Variants in RIC3 observed in about 807,000 individuals in gnomAD.
RIC3 encodes the protein protein RIC-3.
RIC3 carries 28 observed loss-of-function variants against 27.3 expected under a neutral mutation model. The observed-to-expected ratio is 1.02, with a 90% CI of 0.76 to 1.41. The LOEUF (loss-of-function observed/expected upper bound fraction) is 1.41. RIC3 is among the 40% of genes most tolerant of loss of function. The pLI is 0.00. For synonymous variants in RIC3, 184 were observed against 160.4 expected (o/e 1.15, Z -1.11); for missense variants, 501 against 444.7 (o/e 1.13, Z -1.14).
chr11:8,096,109 G>A, the RIC3 span, among the ~76,000 whole-genome samples: 1 of 152,222 alleles, frequency 6.6e-6, no homozygotes. Context: ...ATGGCTTCCT[G>A]TACAAAGGAC....
At chr11:8,126,306 C>T (rs1435298109) in intron 5 of RIC3, among the ~76,000 whole-genome samples, 1 of 152,006 alleles carries the variant, frequency 6.6e-6, no homozygotes, top group Non-Finnish European at 1.5e-5. Flanking sequence ...ACATGAATGT[C>T]AAAAGTATTA....
intron 1 of RIC3, among the ~76,000 whole-genome samples, chr11:8,146,735 TG>T (rs535828175): frequency 7.0e-6 from 1 of 141,908 alleles, no homozygotes; most frequent in East Asian, 2.5e-4. Context: ...CGGGGCGGGG[TG>T]GCAGGGGGCG....
intron 5 of RIC3, among the ~76,000 whole-genome samples, chr11:8,120,809 G>A (rs1315020872): frequency 6.6e-6 from 1 of 151,954 alleles, no homozygotes; most frequent in Non-Finnish European, 1.5e-5. Flanking sequence ...AAGCAGACCA[G>A]GATAAGATTT....
Position 8,106,214 on chromosome 11 carries a change from T to G in RIC3, c.*4484A>C, listed in dbSNP as rs1341702346. On this transcript the variant is annotated 3_prime_UTR_variant, in exon 6 of 6. Coordinates refer to ENST00000309737, the MANE Select transcript of RIC3 (RefSeq NM_001206671.4). ...GTGTTTGTCTAAGTACACACATATA[T>G]CAACAAATTAAACTTGAATCGTTTC... is the stretch of plus-strand genomic sequence containing the variant. 6.6e-6 allele frequency: 1 copy of G among 152,212 alleles called. No individual in the cohort carries two copies. Among genetic ancestry groups the G allele is most frequent in the Non-Finnish European group, 1.5e-5 (1 of 68,042 alleles). The allele number at this position is 152,212 out of a possible 1,614,324, so 9.4% of individuals were successfully genotyped here. A position where few individuals can be genotyped will look rare whatever the true frequency, so the allele number is the denominator to read the frequency against.
At chr11:8,131,111 C>T (rs201334058) in intron 4 of RIC3, among the ~76,000 whole-genome samples, 3 of 53,030 alleles carry the variant, frequency 5.7e-5, no homozygotes, top group African/African-American at 2.2e-4. Flanking sequence ...CATTCATTCA[C>T]TCACTCACTC....
chr11:8,148,373 T>G lies in RIC3; in HGVS notation c.125-8180A>C, dbSNP rs953392874. Reference sequence around the variant, plus strand: ...TGATGAGTACTGGCTTTGGCTATTATGCACCTTCAAAAGCATGCCTAGCCA... The same window carrying G: ...TGATGAGTACTGGCTTTGGCTATTAGGCACCTTCAAAAGCATGCCTAGCCA... On this transcript the variant is annotated intron_variant, in intron 1 of 5. Transcript: ENST00000309737. Among the ~76,000 whole-genome samples, 3 of 152,198 alleles carry G rather than the reference T, an allele frequency of 2.0e-5. No homozygotes were observed. In the South Asian group the frequency reaches 6.2e-4, roughly 31 times the overall value.
At chr11:8,097,299 G>C in the RIC3 span, 1 of 1,614,188 alleles carries the variant, frequency 6.2e-7, no homozygotes, top group South Asian at 1.1e-5. Flanking sequence ...ATCTTGAGGA[G>C]TTTGCACTGA....
intron 1 of RIC3, among the ~76,000 whole-genome samples, chr11:8,163,584 A>C (rs1305622989): frequency 6.6e-6 from 1 of 152,220 alleles, no homozygotes; most frequent in Admixed American, 6.5e-5. Flanking sequence ...ACTAAGGAAC[A>C]ATCTGAAAAC....
At position 8,118,140 on chromosome 11, in the gene RIC3, G is replaced by A. The variant is rs1200778013; in HGVS notation, c.671-7003C>T. Reference sequence around the variant, plus strand: ...TGGGAGGCTGAGGCAGGAGAATGACGTGAACCTGGGAAGTGGAGCTTGTAG... The same window carrying A: ...TGGGAGGCTGAGGCAGGAGAATGACATGAACCTGGGAAGTGGAGCTTGTAG... On this transcript the variant is annotated intron_variant, in intron 5 of 5. Transcript: ENST00000309737. 4.7e-5 allele frequency among the ~76,000 whole-genome samples: 7 copies of A among 149,980 alleles called. No homozygotes were observed. The East Asian group carries it at 1.4e-3, about 30-fold the overall frequency.
At chr11:8,119,676 A>G (rs1159513927) in intron 5 of RIC3, among the ~76,000 whole-genome samples, 2 of 152,204 alleles carry the variant, frequency 1.3e-5, no homozygotes, top group Non-Finnish European at 2.9e-5. Flanking sequence ...AATGACAACA[A>G]AAGCCAAAAC....
At chr11:8,114,365 G>A (rs73409668) in intron 5 of RIC3, among the ~76,000 whole-genome samples, 1 of 152,096 alleles carries the variant, frequency 6.6e-6, no homozygotes, top group African/African-American at 2.4e-5. Context: ...CACACTTTAG[G>A]AGGCCAAGAC....
chr11:8,150,261 G>A (rs1950097180), intron 1 of RIC3, among the ~76,000 whole-genome samples: 1 of 152,108 alleles, frequency 6.6e-6, no homozygotes. Flanking sequence ...AAGAAATAAA[G>A]TCTCCTCTTC....
chr11:8,093,634 T>C, the RIC3 span, among the ~76,000 whole-genome samples: 1 of 152,218 alleles, frequency 6.6e-6, no homozygotes, highest in Non-Finnish European at 1.5e-5. Context: ...CCTGGAGTGC[T>C]TGCCCTGGTT....
intron 4 of RIC3, chr11:8,135,453 C>T (rs1948278047): frequency 6.6e-6 from 1 of 152,174 alleles, no homozygotes; most frequent in Non-Finnish European, 1.5e-5. Context: ...TTAGGACTGA[C>T]TTGGCAATGT....
intron 1 of RIC3, among the ~76,000 whole-genome samples, chr11:8,151,325 C>T (rs1181101980): frequency 1.3e-5 from 2 of 152,048 alleles, no homozygotes; most frequent in Non-Finnish European, 2.9e-5. Flanking sequence ...CGGTGGCTCA[C>T]GCCTGTAATC....
At chr11:8,100,418 T>C in the RIC3 span, 1 of 1,043,480 alleles carries the variant, frequency 9.6e-7, no homozygotes, top group Non-Finnish European at 1.5e-6. Context: ...GGGAACTAGC[T>C]CTTCCTCTTT....
chr11:8,128,136 G>A (rs901546424), intron 4 of RIC3: 7 of 455,056 alleles, frequency 1.5e-5, no homozygotes, highest in African/African-American at 4.0e-5. Flanking sequence ...ACAACTGCTC[G>A]TGTGTCCCAC....
intron 1 of RIC3, among the ~76,000 whole-genome samples, chr11:8,163,700 C>A (rs947974270): frequency 4.0e-5 from 6 of 151,824 alleles, no homozygotes; most frequent in Non-Finnish European, 7.4e-5. Context: ...AATTAAAGAC[C>A]TAGATAAATA....
intron 4 of RIC3, among the ~76,000 whole-genome samples, chr11:8,127,964 GA>G (rs1947189400): frequency 6.6e-6 from 1 of 152,142 alleles, no homozygotes; most frequent in Non-Finnish European, 1.5e-5. Context: ...TCAGTGAAAG[GA>G]AAATGGAAAA....
Sources: allele counts gnomAD v4.1 joint callset (sites outside exome capture counted in the v4.1 genomes callset), GRCh38; gene constraint gnomAD v4.1.1; transcripts MANE v1.5; gene names NCBI Gene and HGNC (gene_info 2026-07-23, HGNC 2026-07-21).